ZMAT4: variants seen among roughly 807,000 people sequenced by gnomAD.
ZMAT4 encodes zinc finger matrin-type 4, also known as zinc finger matrin-type protein 4.
In ZMAT4, 17 loss-of-function variants were observed where a neutral mutation model predicts 28.7. The ratio of observed to expected loss-of-function variants is 0.59; its 90% CI spans 0.41 to 0.89. ZMAT4 has a LOEUF of 0.89. ZMAT4 is among the 40% of genes least tolerant of loss of function. ZMAT4 has a pLI of 0.00. For missense variants in ZMAT4, 240 were observed against 283.8 expected (o/e 0.85, Z 1.11); for synonymous variants, 117 against 109.2 (o/e 1.07, Z -0.44).
Position 40,875,928 on chromosome 8 carries a change from G to A in ZMAT4, c.-5+21755C>T, listed in dbSNP as rs138699484. ...GTGATGTGGGAATGGGAAAGACGAC[G>A]GATATGTCATGGCCTTGAAAATGGC... On this transcript the variant is annotated intron_variant, in intron 1 of 6. Transcript: ENST00000297737. Among the ~76,000 whole-genome samples the A allele has an allele frequency of 9.8e-4, 149 of 152,256 alleles. 1 individual carries two copies. The highest frequency in any genetic ancestry group is 2.9e-3 in the African/African-American group (120 of 41,550).
In ZMAT4 at chr8:40,640,816, G is replaced by A. The variant is rs535136724; in HGVS notation, c.577+33888C>T. Reference sequence around the variant, plus strand: ...CTCTACTAAAAATACAAAAATTAGCGGGCATGGTGGTGCATTCCTGTAGTC... The same window carrying A: ...CTCTACTAAAAATACAAAAATTAGCAGGCATGGTGGTGCATTCCTGTAGTC... On this transcript the variant is annotated intron_variant, in intron 5 of 6. Coordinates refer to ENST00000297737, the MANE Select transcript of ZMAT4 (RefSeq NM_024645.3). Among the ~76,000 whole-genome samples the A allele has an allele frequency of 4.6e-5, 7 of 151,520 alleles. No homozygotes were observed. The South Asian group carries it at 1.0e-3, about 23-fold the overall frequency.
chr8:40,616,725 G>C (rs948987866), intron 5 of ZMAT4, among the ~76,000 whole-genome samples: 1 of 151,936 alleles, frequency 6.6e-6, no homozygotes, highest in African/African-American at 2.4e-5. Flanking sequence ...ATCACACACC[G>C]GGGCCTGCCG....
At chr8:40,707,993 C>T (rs746360824) in intron 3 of ZMAT4, among the ~76,000 whole-genome samples, 9 of 152,020 alleles carry the variant, frequency 5.9e-5, no homozygotes, top group Non-Finnish European at 1.0e-4. Context: ...TAAAATCTCT[C>T]TAAATTCCCA....
intron 3 of ZMAT4, among the ~76,000 whole-genome samples, chr8:40,726,228 T>C (rs538225072): frequency 2.5e-4 from 38 of 152,342 alleles, no homozygotes; most frequent in African/African-American, 9.1e-4. Flanking sequence ...ACATGTTGCC[T>C]TTTATTTGGT....
At chr8:40,809,344 G>A (rs1490205278) in intron 2 of ZMAT4, among the ~76,000 whole-genome samples, 1 of 152,192 alleles carries the variant, frequency 6.6e-6, no homozygotes, top group African/African-American at 2.4e-5. Context: ...AGAGGGTCAT[G>A]GGTTGAAAAC....
At chr8:40,814,714 A>T (rs1815462375) in intron 2 of ZMAT4, among the ~76,000 whole-genome samples, 2 of 152,234 alleles carry the variant, frequency 1.3e-5, no homozygotes, top group South Asian at 4.1e-4. Context: ...AGAATATTTC[A>T]AAGAAAATTG....
intron 1 of ZMAT4, among the ~76,000 whole-genome samples, chr8:40,884,164 T>C (rs2150666222): frequency 6.6e-6 from 1 of 152,050 alleles, no homozygotes; most frequent in East Asian, 1.9e-4. Context: ...AATGAAGGCA[T>C]CCAAGAGGGT....
intron 3 of ZMAT4, among the ~76,000 whole-genome samples, chr8:40,710,420 C>T (rs1810557650): frequency 6.6e-6 from 1 of 152,166 alleles, no homozygotes; most frequent in African/African-American, 2.4e-5. Context: ...AGGCGAGTAT[C>T]AAACCCTGTA....
intron 1 of ZMAT4, among the ~76,000 whole-genome samples, chr8:40,873,432 C>G (rs1267320384): frequency 6.6e-6 from 1 of 152,166 alleles, no homozygotes; most frequent in Non-Finnish European, 1.5e-5. Flanking sequence ...TGTGATGGCC[C>G]CACTCAGTGC....
chr8:40,776,495 A>C (rs1307713226), intron 2 of ZMAT4, among the ~76,000 whole-genome samples: 1 of 152,202 alleles, frequency 6.6e-6, no homozygotes, highest in East Asian at 1.9e-4. Context: ...AGCCTGGAGG[A>C]ACAGTTTTCT....
intron 4 of ZMAT4, among the ~76,000 whole-genome samples, chr8:40,692,176 C>T (rs1357234757): frequency 6.6e-6 from 1 of 152,168 alleles, no homozygotes; most frequent in African/African-American, 2.4e-5. Context: ...GCAGTAATAA[C>T]TGTGGTCCCT....
At position 40,858,376 on chromosome 8, in the gene ZMAT4, A is replaced by T. The variant is rs1184867340; in HGVS notation, c.-4-32696T>A. The stretch of plus-strand genomic sequence containing the variant: ...ACCACAAGCTCCCTGAAGTCCCCTT[A>T]GTACAAGGCCATGTGCAAAACAGAT... On this transcript the variant is annotated intron_variant, in intron 1 of 6. Coordinates refer to ENST00000297737, the MANE Select transcript of ZMAT4 (RefSeq NM_024645.3). Among the ~76,000 whole-genome samples the T allele has an allele frequency of 2.6e-5, 4 of 152,278 alleles. No individual in the cohort carries two copies. In the East Asian group the frequency reaches 7.7e-4, roughly 29 times the overall value.
At position 40,549,194 on chromosome 8, in the gene ZMAT4, C is replaced by A. The variant is rs192602662; in HGVS notation, c.675-16956G>T. ...CACCAGACACTGAACCTGTTGCCACCTTGAACTTGGACTTCCCAGCCTCCA... is the reference window on the plus strand; with the variant it reads ...CACCAGACACTGAACCTGTTGCCACATTGAACTTGGACTTCCCAGCCTCCA... On this transcript the variant is annotated intron_variant, in intron 6 of 6. Transcript: ENST00000297737. Among the ~76,000 whole-genome samples the A allele has an allele frequency of 1.9e-3, 282 of 152,224 alleles. 3 individuals carry two copies. Among genetic ancestry groups the A allele is most frequent in the African/African-American group, 6.4e-3 (264 of 41,542 alleles).
chr8:40,675,250 A>G (rs1380149670), intron 4 of ZMAT4, among the ~76,000 whole-genome samples: 1 of 152,186 alleles, frequency 6.6e-6, no homozygotes, highest in Non-Finnish European at 1.5e-5. Context: ...CTCAGGAGCT[A>G]TGGACAGTAG....
At chr8:40,586,202 C>G (rs1002232117) in intron 5 of ZMAT4, among the ~76,000 whole-genome samples, 7 of 152,268 alleles carry the variant, frequency 4.6e-5, no homozygotes, top group African/African-American at 1.7e-4. Context: ...CAGTTGAAAT[C>G]CTAATTACTT....
chr8:40,682,284 C>A (rs1425804616), intron 4 of ZMAT4, among the ~76,000 whole-genome samples: 1 of 152,166 alleles, frequency 6.6e-6, no homozygotes, highest in African/African-American at 2.4e-5. Context: ...AGTCTTAAAT[C>A]TCAGAAGATT....
chr8:40,842,447 C>T (rs1816737188), intron 1 of ZMAT4, among the ~76,000 whole-genome samples: 1 of 152,212 alleles, frequency 6.6e-6, no homozygotes, highest in South Asian at 2.1e-4. Flanking sequence ...TCTTTCTTTT[C>T]AATTGCTGAA....
At chr8:40,878,039 T>C (rs1818099451) in intron 1 of ZMAT4, among the ~76,000 whole-genome samples, 2 of 152,070 alleles carry the variant, frequency 1.3e-5, no homozygotes, top group Admixed American at 1.3e-4. Context: ...CCCAGAGTAA[T>C]GAAAGAATAA....
chr8:40,821,989 A>G (rs1375675666), intron 2 of ZMAT4, among the ~76,000 whole-genome samples: 1 of 152,202 alleles, frequency 6.6e-6, no homozygotes, highest in East Asian at 1.9e-4. Flanking sequence ...CTTGGCCATA[A>G]TAGCTCTAAA....
Sources: allele counts gnomAD v4.1 joint callset (sites outside exome capture counted in the v4.1 genomes callset), GRCh38; gene constraint gnomAD v4.1.1; transcripts MANE v1.5; gene names NCBI Gene and HGNC (gene_info 2026-07-23, HGNC 2026-07-21).